MBD5: variants seen among roughly 807,000 people sequenced by gnomAD.
The protein encoded by MBD5 is methyl-CpG binding domain protein 5.
In MBD5, 13 loss-of-function variants were observed where a neutral mutation model predicts 117.3. The ratio of observed to expected loss-of-function variants is 0.11; its 90% CI spans 0.07 to 0.18. The LOEUF is 0.18. MBD5 is among the 10% of genes least tolerant of loss of function. MBD5 has a pLI of 1.00. For missense variants in MBD5, 1,879 were observed against 2,093.8 expected, an observed-to-expected ratio of 0.90 and a Z score of 2.00; for synonymous variants, 727 against 766.4, an observed-to-expected ratio of 0.95 and a Z score of 0.85.
chr2:148,172,360 G>A (rs1004398681), intron 1 of MBD5, among the ~76,000 whole-genome samples: 10 of 152,196 alleles, frequency 6.6e-5, no homozygotes, highest in Non-Finnish European at 1.5e-4. Context: ...TTGAAGGCGA[G>A]CTGAGGCACT....
chr2:148,065,952 G>A (rs904063668), intron 1 of MBD5, among the ~76,000 whole-genome samples: 1 of 152,158 alleles, frequency 6.6e-6, no homozygotes, highest in Non-Finnish European at 1.5e-5. Flanking sequence ...AAGGTTTCGG[G>A]TTGAGGAGGA....
intron 1 of MBD5, among the ~76,000 whole-genome samples, chr2:148,158,793 C>T (rs1316048831): frequency 1.3e-5 from 2 of 152,248 alleles, no homozygotes; most frequent in Non-Finnish European, 2.9e-5. Flanking sequence ...AATCTCAGCT[C>T]ACTGCAAGCT....
At chr2:148,159,285 G>A (rs1354761853) in intron 1 of MBD5, among the ~76,000 whole-genome samples, 1 of 151,948 alleles carries the variant, frequency 6.6e-6, no homozygotes, top group Non-Finnish European at 1.5e-5. Context: ...CAGATAAGTT[G>A]TCTTCTAATT....
rs370536538 is a variant in MBD5, at chr2:148,383,623, T to G, written c.-557+41287T>G. ...TCATTTTATGAGGCCAGCATCATCCTGATACCAAAGCCTGGCAGAGACAAA... is the reference window on the plus strand; with the variant it reads ...TCATTTTATGAGGCCAGCATCATCCGGATACCAAAGCCTGGCAGAGACAAA... On this transcript the variant is annotated intron_variant, in intron 4 of 13. Coordinates refer to ENST00000642680, the MANE Select transcript of MBD5 (RefSeq NM_001378120.1). 4.7e-5 allele frequency among the ~76,000 whole-genome samples: 7 copies of G among 148,546 alleles called. No individual in the cohort carries two copies. In the South Asian group the frequency reaches 1.5e-3, roughly 32 times the overall value.
chr2:148,438,377 A>G (rs900085907), intron 4 of MBD5, among the ~76,000 whole-genome samples: 1 of 152,206 alleles, frequency 6.6e-6, no homozygotes, highest in African/African-American at 2.4e-5. Context: ...CAGACATTTC[A>G]ATTAAGCAAT....
At chr2:148,508,872 T>A (rs1682126029) in intron 12 of MBD5, among the ~76,000 whole-genome samples, 1 of 152,186 alleles carries the variant, frequency 6.6e-6, no homozygotes, top group East Asian at 1.9e-4. Context: ...ACTATAGAAC[T>A]CAGGGGTGGA....
intron 4 of MBD5, among the ~76,000 whole-genome samples, chr2:148,398,609 T>C (rs1704813497): frequency 6.6e-6 from 1 of 152,216 alleles, no homozygotes; most frequent in South Asian, 2.1e-4. Flanking sequence ...GGTTGCCTGT[T>C]CACTCTGATG....
chr2:148,293,213 T>C (rs1412713949), intron 3 of MBD5, among the ~76,000 whole-genome samples: 1 of 149,344 alleles, frequency 6.7e-6, no homozygotes, highest in African/African-American at 2.5e-5. Context: ...CCCAACTCCC[T>C]GGGAGGCTAT....
chr2:148,345,417 A>G (rs1265289313), intron 4 of MBD5, among the ~76,000 whole-genome samples: 2 of 140,268 alleles, frequency 1.4e-5, no homozygotes, highest in Admixed American at 7.1e-5. Context: ...ATATACATAT[A>G]CATATATACA....
At chr2:148,345,685 G>A (rs1703106747) in intron 4 of MBD5, among the ~76,000 whole-genome samples, 1 of 147,968 alleles carries the variant, frequency 6.8e-6, no homozygotes, top group Admixed American at 6.8e-5. Flanking sequence ...AAATGTATGT[G>A]TGTGTATATA....
At chr2:148,053,002 C>G (rs1432142979) in intron 1 of MBD5, among the ~76,000 whole-genome samples, 1 of 148,664 alleles carries the variant, frequency 6.7e-6, no homozygotes, top group East Asian at 2.0e-4. Context: ...AATGTGTATT[C>G]TACTTGGGGT....
chr2:148,248,833 A>G (rs1206792341), intron 3 of MBD5, among the ~76,000 whole-genome samples: 1 of 152,094 alleles, frequency 6.6e-6, no homozygotes, highest in Non-Finnish European at 1.5e-5. Context: ...ACATCTATCT[A>G]TAGGTGGTAA....
intron 3 of MBD5, among the ~76,000 whole-genome samples, chr2:148,317,010 AT>A (rs1331306889): frequency 6.6e-6 from 1 of 152,074 alleles, no homozygotes; most frequent in Admixed American, 6.5e-5. Context: ...AGCATAGACA[AT>A]TTTCTTCACA....
At chr2:148,152,815 T>A (rs1252346489) in intron 1 of MBD5, among the ~76,000 whole-genome samples, 1 of 151,914 alleles carries the variant, frequency 6.6e-6, no homozygotes, top group African/African-American at 2.4e-5. Context: ...CATCCTTTTA[T>A]TTTGAGCATA....
chr2:148,444,889 T>C (rs1485807134), intron 4 of MBD5, among the ~76,000 whole-genome samples: 4 of 151,088 alleles, frequency 2.6e-5, no homozygotes, highest in Non-Finnish European at 4.4e-5. Flanking sequence ...TCCATCACAG[T>C]GCCTCACATA....
intron 3 of MBD5, among the ~76,000 whole-genome samples, chr2:148,321,149 A>G (rs1351792177): frequency 1.3e-5 from 2 of 152,218 alleles, no homozygotes; most frequent in African/African-American, 2.4e-5. Flanking sequence ...CTGTAGATGT[A>G]TATTGTTCAA....
At chr2:148,416,257 T>A (rs6749658) in intron 4 of MBD5, among the ~76,000 whole-genome samples, 1 of 152,064 alleles carries the variant, frequency 6.6e-6, no homozygotes, top group Non-Finnish European at 1.5e-5. Flanking sequence ...ATGGGCTGCA[T>A]GCTGTAACTT....
chr2:148,370,846 T>C (rs1037257002), intron 4 of MBD5, among the ~76,000 whole-genome samples: 1 of 152,202 alleles, frequency 6.6e-6, no homozygotes, highest in Admixed American at 6.5e-5. Flanking sequence ...AGAAAAAGAC[T>C]GTTACAGATT....
rs1007118405 is a variant in MBD5, at chr2:148,516,023, T to A, written c.*3082T>A. 1 of 152,206 alleles carries A rather than the reference T, an allele frequency of 6.6e-6. No homozygotes were observed. Among genetic ancestry groups the A allele is most frequent in the Admixed American group, 6.5e-5 (1 of 15,286 alleles). 9.4% of individuals were successfully genotyped at this position (152,206 alleles called of 1,614,324 possible). A position where few individuals can be genotyped will look rare whatever the true frequency, so the allele number is the denominator to read the frequency against. On this transcript the variant is annotated 3_prime_UTR_variant, in exon 14 of 14. Coordinates refer to ENST00000642680, the MANE Select transcript of MBD5 (RefSeq NM_001378120.1). ...TCATGGGCCACTTTTAGTCTTTTAT[T>A]TGGACCCTGACTTTGAGTTTTTGCT...
Sources: allele counts gnomAD v4.1 joint callset (sites outside exome capture counted in the v4.1 genomes callset), GRCh38; gene constraint gnomAD v4.1.1; transcripts MANE v1.5; gene names NCBI Gene and HGNC (gene_info 2026-07-23, HGNC 2026-07-21).